STRN3: variants seen among roughly 807,000 people sequenced by gnomAD.
STRN3 encodes the protein striatin-3.
A neutral mutation model predicts 95.6 loss-of-function variants in STRN3; 29 were observed. That is an observed-to-expected ratio of 0.30 (90% CI 0.23 to 0.41). The LOEUF (loss-of-function observed/expected upper bound fraction) is 0.41, where lower values mean the gene tolerates loss of function less well. Among genes scored for constraint, STRN3 ranks in the 10% least tolerant of loss-of-function variants. The pLI, the probability that STRN3 is intolerant of heterozygous loss-of-function variation, is 1.00. For missense variants in STRN3, 890 were observed against 972.1 expected (o/e 0.92, Z 1.12); for synonymous variants, 331 against 357.6 (o/e 0.93, Z 0.84).
At chr14:30,915,089 A>T (rs1896703863) in intron 9 of STRN3, among the ~76,000 whole-genome samples, 1 of 152,218 alleles carries the variant, frequency 6.6e-6, no homozygotes. Context: ...ATATATCAAA[A>T]CACACTTAAA....
chr14:30,966,531 G>A (rs527249172), intron 1 of STRN3, among the ~76,000 whole-genome samples: 6 of 152,230 alleles, frequency 3.9e-5, no homozygotes, highest in African/African-American at 7.2e-5. Flanking sequence ...GGAATAACCC[G>A]AGCTCTCAGC....
Position 30,906,913 on chromosome 14 carries a change from T to C in STRN3, c.1852A>G (p.Lys618Glu), listed in dbSNP as rs149394941. Residue 618 changes from lysine to glutamate, a missense_variant, in exon 14 of 18, where the codon AAA (lysine) becomes GAA (glutamate). Coordinates refer to ENST00000357479, the MANE Select transcript of STRN3 (RefSeq NM_001083893.2). ...GTVRLWNPQEKLPCICTYNGD... is the reference protein window; with the variant it reads ...GTVRLWNPQEELPCICTYNGD... ...TTGTAAGTGCAAATACATGGCAATT[T>C]TTCTTGTGGATTCCATAACCTAACA... 7.5e-5 allele frequency: 121 copies of C among 1,613,028 alleles called. 1 individual carries two copies. The Middle Eastern group carries it at 1.3e-3, about 18-fold the overall frequency.
In STRN3 at chr14:30,902,640, A is replaced by G; in HGVS notation, c.2033T>C (p.Leu678Ser). The G allele has an allele frequency of 6.4e-7, 1 of 1,565,716 alleles. No individual in the cohort carries two copies. Among genetic ancestry groups the G allele is most frequent in the Non-Finnish European group, 8.7e-7 (1 of 1,151,990 alleles). Residue 678 changes from leucine (L) to serine (S), a missense_variant, in exon 16 of 18, where the codon TTA (leucine) becomes TCA (serine). Transcript: ENST00000357479. The stretch of plus-strand genomic sequence containing the variant: ...TCTGTTGATATGATTATTAGATTGT[A>G]AACCTGAAAAATAAAGGAAGACAAT... ...VILSSQVDSG[L>S]QSNNHINRVV...
chr14:30,911,397 G>A (rs1200878036), intron 12 of STRN3, among the ~76,000 whole-genome samples: 1 of 149,974 alleles, frequency 6.7e-6, no homozygotes, highest in Non-Finnish European at 1.5e-5. Flanking sequence ...CACCTCCCAG[G>A]TTCGAGCGAT....
intron 1 of STRN3, among the ~76,000 whole-genome samples, chr14:30,958,990 G>A (rs1248827145): frequency 6.6e-6 from 1 of 152,146 alleles, no homozygotes; most frequent in African/African-American, 2.4e-5. Context: ...GAGAATTTAG[G>A]ACAAGGAAAA....
intron 1 of STRN3, among the ~76,000 whole-genome samples, chr14:31,009,865 G>A (rs1275889559): frequency 6.6e-6 from 1 of 152,102 alleles, no homozygotes; most frequent in Non-Finnish European, 1.5e-5. Flanking sequence ...CTGGGAGGCT[G>A]GGGTGGTAGG....
chr14:30,955,850 AG>A (rs1386782487), intron 2 of STRN3, among the ~76,000 whole-genome samples, 157 bp from the exon 3 acceptor site: 2 of 152,214 alleles, frequency 1.3e-5, no homozygotes, highest in Non-Finnish European at 2.9e-5. Context: ...AAGAAAAAAA[AG>A]GTAAGTTTCC....
intron 1 of STRN3, chr14:30,964,249 A>C (rs901083206): frequency 2.0e-5 from 3 of 152,142 alleles, no homozygotes; most frequent in Non-Finnish European, 4.4e-5. Context: ...AAAACAAAAA[A>C]CTACACACAA....
At chr14:30,937,625 A>G (rs1878887499) in intron 5 of STRN3, among the ~76,000 whole-genome samples, 1 of 152,348 alleles carries the variant, frequency 6.6e-6, no homozygotes, top group Middle Eastern at 3.4e-3. Context: ...TAGAAAATTC[A>G]GCTGAACAAA....
intron 9 of STRN3, among the ~76,000 whole-genome samples, chr14:30,914,210 T>A (rs147028742): frequency 7.2e-5 from 11 of 152,324 alleles, no homozygotes; most frequent in Admixed American, 3.3e-4. Flanking sequence ...CTATATACTA[T>A]ATCAGTTCAC....
intron 7 of STRN3, among the ~76,000 whole-genome samples, chr14:30,932,688 T>G (rs1159498702): frequency 6.6e-6 from 1 of 152,154 alleles, no homozygotes; most frequent in East Asian, 1.9e-4. Context: ...CCATCAAAAG[T>G]CTTCAGACAG....
chr14:30,950,074 T>A (rs187227669), intron 4 of STRN3, among the ~76,000 whole-genome samples: 1 of 151,776 alleles, frequency 6.6e-6, no homozygotes, highest in Admixed American at 6.6e-5. Context: ...TGATCAATTA[T>A]GGAGTCTAAG....
Position 30,951,077 on chromosome 14 carries a change from C to G in STRN3, c.461-133G>C, listed in dbSNP as rs1240614240. ...AGGACAGGAAAAAATTAACTTTCAT[C>G]TAAGTATTAACTGTGGGTCACTCAT... On this transcript the variant is annotated intron_variant, in intron 3 of 17. Transcript: ENST00000357479. 5.6e-6 allele frequency: 4 copies of G among 720,044 alleles called. No homozygotes were observed. The Admixed American group carries it at 8.4e-5, about 15-fold the overall frequency. 44.6% of individuals were successfully genotyped at this position (720,044 alleles called of 1,614,324 possible).
At chr14:30,927,420 G>A (rs924327233) in intron 8 of STRN3, among the ~76,000 whole-genome samples, 6 of 151,796 alleles carry the variant, frequency 4.0e-5, no homozygotes, top group Non-Finnish European at 7.4e-5. Context: ...AAAAGACCTT[G>A]ACTTACATCT....
chr14:31,014,813 TAA>T lies in STRN3; in HGVS notation c.282+11089_282+11090del, dbSNP rs527397877. On this transcript the variant is annotated intron_variant, in intron 1 of 17. Coordinates refer to ENST00000357479, the MANE Select transcript of STRN3 (RefSeq NM_001083893.2). ...TCATTACAAGAACACAAAACCACTT[TAA>T]AAAAAAAAAAAAAAACAGGGTCTCA... 1,169 of 367,052 alleles carry T rather than the reference TAA, an allele frequency of 3.2e-3. 2 individuals are homozygous for T. The highest frequency in any genetic ancestry group is 0.015 in the African/African-American group (592 of 39,702). The allele number at this position is 367,052 out of a possible 1,614,324, so 22.7% of individuals were successfully genotyped here. A position where few individuals can be genotyped will look rare whatever the true frequency, so the allele number is the denominator to read the frequency against.
chr14:30,895,254 G>A lies in STRN3; in HGVS notation c.*157C>T, dbSNP rs1025314372. Reference sequence around the variant, plus strand: ...TAATTACAGTTAACTTAATGAGCTTGACATTAAGATGTGATTTCCACCAAT... The same window carrying A: ...TAATTACAGTTAACTTAATGAGCTTAACATTAAGATGTGATTTCCACCAAT... On this transcript the variant is annotated 3_prime_UTR_variant, in exon 18 of 18. Coordinates refer to ENST00000357479, the MANE Select transcript of STRN3 (RefSeq NM_001083893.2). The A allele has an allele frequency of 1.9e-5, 14 of 730,830 alleles. No individual in the cohort carries two copies. The Admixed American group carries it at 4.3e-4, about 22-fold the overall frequency. 45.3% of individuals were successfully genotyped at this position (730,830 alleles called of 1,614,324 possible). A position where few individuals can be genotyped will look rare whatever the true frequency, so the allele number is the denominator to read the frequency against.
chr14:30,936,392 T>C (rs1350214582), intron 6 of STRN3, 103 bp downstream of exon 6: 1 of 1,259,960 alleles, frequency 7.9e-7, no homozygotes, highest in African/African-American at 1.5e-5. Context: ...ATATGTAAAG[T>C]AAAGATGATC....
intron 1 of STRN3, among the ~76,000 whole-genome samples, chr14:30,986,986 C>CA (rs560651738): frequency 6.6e-5 from 10 of 151,620 alleles, no homozygotes; most frequent in South Asian, 2.1e-4. Flanking sequence ...GAAGGATAAT[C>CA]AAAAAAAATA....
intron 13 of STRN3, among the ~76,000 whole-genome samples, chr14:30,910,611 T>A (rs975514016): frequency 9.9e-5 from 15 of 152,004 alleles, no homozygotes; most frequent in African/African-American, 3.4e-4. Flanking sequence ...TAAGAATGTT[T>A]TTGTAGATAT....
Sources: gnomAD v4.1 joint callset for allele counts (sites outside exome capture counted in the v4.1 genomes callset) on GRCh38, gnomAD v4.1.1 for gene constraint, MANE v1.5 for transcripts, NCBI Gene and HGNC (gene_info 2026-07-23, HGNC 2026-07-21) for gene names.